The following XKR4 variants were observed in gnomAD, a reference collection of about 807,000 sequenced individuals.
XKR4 encodes the protein XK-related protein 4.
XKR4 carries 12 observed loss-of-function variants against 53.9 expected under a neutral mutation model. The ratio of observed to expected loss-of-function variants is 0.22; its 90% CI spans 0.14 to 0.36. The LOEUF is 0.36. Ranked by LOEUF, XKR4 falls within the 10% of genes least tolerant of loss-of-function variation. The probability of loss-of-function intolerance (pLI) is 1.00; values close to 1 mark genes in which losing one functional copy is unlikely to be tolerated. For synonymous variants in XKR4, 354 were observed against 362.4 expected (o/e 0.98, Z 0.26); for missense variants, 799 against 859.5 (o/e 0.93, Z 0.88).
intron 2 of XKR4, among the ~76,000 whole-genome samples, chr8:55,433,905 G>A (rs1301996317): frequency 6.6e-6 from 1 of 152,106 alleles, no homozygotes; most frequent in Non-Finnish European, 1.5e-5. Flanking sequence ...TGGCACACAG[G>A]CTTGTAGTCC....
chr8:55,236,581 C>A (rs1040962861), intron 1 of XKR4, among the ~76,000 whole-genome samples: 2 of 152,160 alleles, frequency 1.3e-5, no homozygotes, highest in Admixed American at 1.3e-4. Flanking sequence ...CCCCTGAAGC[C>A]ATGGGTGACC....
chr8:55,232,313 A>G (rs1242863903), intron 1 of XKR4, among the ~76,000 whole-genome samples: 3 of 152,240 alleles, frequency 2.0e-5, no homozygotes, highest in Non-Finnish European at 4.4e-5. Context: ...ACTGCTGAGA[A>G]GAGCCCATTA....
chr8:55,139,512 C>CAAAAAAA (rs5891559), intron 1 of XKR4, among the ~76,000 whole-genome samples: 4 of 114,490 alleles, frequency 3.5e-5, no homozygotes, highest in African/African-American at 1.6e-4. Context: ...GACTCCGTCT[C>CAAAAAAA]AAAAAAAAAA....
At chr8:55,348,172 G>T (rs528162010) in intron 1 of XKR4, among the ~76,000 whole-genome samples, 1 of 152,234 alleles carries the variant, frequency 6.6e-6, no homozygotes, top group South Asian at 2.1e-4. Flanking sequence ...ACACCATGCC[G>T]GATAACATGC....
In XKR4 at chr8:55,102,057, G is replaced by A. The variant is rs995352272; in HGVS notation, c.-432G>A. ...TCTCCCTCGGAGTCAGCTGGTGGAG[G>A]AGAGGAAGCGGGAGGAGGGAGCGCG... is the stretch of plus-strand genomic sequence containing the variant. On this transcript the variant is annotated 5_prime_UTR_variant, in exon 1 of 3. Coordinates refer to ENST00000327381, the MANE Select transcript of XKR4 (RefSeq NM_052898.2). The surrounding 1 kb of genome is among the most constrained non-coding windows in gnomAD (Gnocchi z 5.1). Among the ~76,000 whole-genome samples the A allele has an allele frequency of 3.3e-5, 5 of 152,114 alleles. No individual in the cohort carries two copies. The highest frequency in any genetic ancestry group is 1.2e-4 in the African/African-American group (5 of 41,454).
At chr8:55,213,891 G>A (rs1817766029) in intron 1 of XKR4, among the ~76,000 whole-genome samples, 1 of 97,598 alleles carries the variant, frequency 1.0e-5, no homozygotes, top group Non-Finnish European at 1.8e-5. Flanking sequence ...TTTGAGACGA[G>A]TCTCCTGTTG....
At chr8:55,209,730 G>A (rs879421689) in intron 1 of XKR4, among the ~76,000 whole-genome samples, 23 of 152,260 alleles carry the variant, frequency 1.5e-4, no homozygotes, top group Admixed American at 7.8e-4. Context: ...CTGCTCTGCC[G>A]GCCAGGAGGC....
chr8:55,395,680 G>A (rs1487258949), intron 2 of XKR4, among the ~76,000 whole-genome samples: 2 of 152,128 alleles, frequency 1.3e-5, no homozygotes, highest in African/African-American at 4.8e-5. Flanking sequence ...AAGTGATGAG[G>A]ACGGAGAACA....
intron 2 of XKR4, among the ~76,000 whole-genome samples, chr8:55,509,624 T>C (rs1235664906): frequency 6.6e-6 from 1 of 152,206 alleles, no homozygotes. Flanking sequence ...GTAATTTACA[T>C]TAGCTGGTGA....
intron 1 of XKR4, among the ~76,000 whole-genome samples, chr8:55,295,779 T>C (rs1271341454): frequency 6.6e-6 from 1 of 152,078 alleles, no homozygotes; most frequent in East Asian, 1.9e-4. Flanking sequence ...AGAGCATAAA[T>C]ACTAATTATC....
intron 1 of XKR4, among the ~76,000 whole-genome samples, chr8:55,291,147 T>C (rs961872312): frequency 5.3e-5 from 8 of 152,208 alleles, no homozygotes; most frequent in Non-Finnish European, 1.0e-4. Flanking sequence ...TGGATTTCTT[T>C]TATATCTTTG....
intron 1 of XKR4, among the ~76,000 whole-genome samples, chr8:55,294,631 T>C (rs1366734306): frequency 6.6e-6 from 1 of 152,236 alleles, no homozygotes; most frequent in East Asian, 1.9e-4. Flanking sequence ...CACAACATCC[T>C]GATATGCTTT....
chr8:55,197,397 G>A (rs1817518748), intron 1 of XKR4, among the ~76,000 whole-genome samples: 1 of 152,086 alleles, frequency 6.6e-6, no homozygotes, highest in South Asian at 2.1e-4. Context: ...GCGAAAAGTG[G>A]ATTTTTGCTA....
In XKR4 at chr8:55,466,897, T is replaced by A. The variant is rs551358026; in HGVS notation, c.1007-56384T>A. Reference sequence around the variant, plus strand: ...ATTCTCAAGATTGGGCTAAGTTATTTGATTAAAAAATTTATTAGTTTTTGA... The same window carrying A: ...ATTCTCAAGATTGGGCTAAGTTATTAGATTAAAAAATTTATTAGTTTTTGA... On this transcript the variant is annotated intron_variant, in intron 2 of 2. Coordinates refer to ENST00000327381, the MANE Select transcript of XKR4 (RefSeq NM_052898.2). Among the ~76,000 whole-genome samples the A allele has an allele frequency of 1.8e-4, 28 of 152,310 alleles. No homozygotes were observed. The South Asian group carries it at 4.1e-3, about 23-fold the overall frequency.
chr8:55,165,485 A>G (rs1280565997), intron 1 of XKR4, among the ~76,000 whole-genome samples: 1 of 152,180 alleles, frequency 6.6e-6, no homozygotes, highest in Non-Finnish European at 1.5e-5. Context: ...ATCATGAAAT[A>G]TATTTCAAAA....
chr8:55,254,434 A>C (rs1281558542), intron 1 of XKR4, among the ~76,000 whole-genome samples: 1 of 152,208 alleles, frequency 6.6e-6, no homozygotes, highest in Admixed American at 6.5e-5. Flanking sequence ...CAGAGAGTAC[A>C]GGATAAAGCA....
intron 2 of XKR4, among the ~76,000 whole-genome samples, chr8:55,492,596 C>T (rs1249933819): frequency 6.6e-6 from 1 of 152,202 alleles, no homozygotes; most frequent in African/African-American, 2.4e-5. Flanking sequence ...GATGCCATCG[C>T]TTAGAAGAAG....
In XKR4 at chr8:55,280,969, G is replaced by C. The variant is rs1312334824; in HGVS notation, c.807-76709G>C. On this transcript the variant is annotated intron_variant, in intron 1 of 2. Transcript: ENST00000327381. Reference sequence around the variant, plus strand: ...TCGAAGAAGACTTTATTCTGTATCTGAACTAACAGTTTTGTTAAAATGTAC... The same window carrying C: ...TCGAAGAAGACTTTATTCTGTATCTCAACTAACAGTTTTGTTAAAATGTAC... 2.0e-5 allele frequency among the ~76,000 whole-genome samples: 3 copies of C among 152,170 alleles called. No homozygotes were observed. In the East Asian group the frequency reaches 5.8e-4, roughly 29 times the overall value.
intron 2 of XKR4, among the ~76,000 whole-genome samples, chr8:55,366,036 G>A (rs1465907952): frequency 2.0e-5 from 3 of 152,248 alleles, no homozygotes; most frequent in Non-Finnish European, 2.9e-5. Flanking sequence ...CCCCTGGGCT[G>A]GGACGAGGCT....
Sources: allele counts gnomAD v4.1 joint callset (sites outside exome capture counted in the v4.1 genomes callset), GRCh38; gene constraint gnomAD v4.1.1; non-coding constraint Gnocchi (gnomAD v3.1); transcripts MANE v1.5; gene names NCBI Gene and HGNC (gene_info 2026-07-23, HGNC 2026-07-21).